Variants in GRIK2 observed in about 807,000 individuals in gnomAD.
GRIK2 encodes glutamate ionotropic receptor kainate type subunit 2, also known as glutamate receptor ionotropic, kainate 2.
A neutral mutation model predicts 100.3 loss-of-function variants in GRIK2; 32 were observed. The ratio of observed to expected loss-of-function variants is 0.32; its 90% CI spans 0.24 to 0.43. The LOEUF (loss-of-function observed/expected upper bound fraction) is 0.43, where lower values mean the gene tolerates loss of function less well. GRIK2 is among the 20% of genes least tolerant of loss of function. GRIK2 has a pLI of 1.00. For missense variants in GRIK2, 843 were observed against 1,114.9 expected (o/e 0.76, Z 3.47); for synonymous variants, 417 against 389.4 (o/e 1.07, Z -0.83).
chr6:101,489,866 A>T (rs1019024300), intron 2 of GRIK2, among the ~76,000 whole-genome samples: 1 of 146,854 alleles, frequency 6.8e-6, no homozygotes, highest in Admixed American at 6.8e-5. Flanking sequence ...TACTATATAG[A>T]TGTATATTTT....
intron 2 of GRIK2, among the ~76,000 whole-genome samples, chr6:101,599,636 G>A (rs1014429642): frequency 5.9e-5 from 9 of 151,692 alleles, no homozygotes; most frequent in African/African-American, 1.9e-4. Flanking sequence ...TTGTGGTTTT[G>A]ATTTGTATTT....
At chr6:101,789,252 T>C (rs1490919733) in intron 7 of GRIK2, among the ~76,000 whole-genome samples, 1 of 152,202 alleles carries the variant, frequency 6.6e-6, no homozygotes, top group Non-Finnish European at 1.5e-5. Flanking sequence ...TGCCATTGCT[T>C]TTGGTGTTTT....
At position 101,489,870 on chromosome 6, in the gene GRIK2, A is replaced by ATATTT. The variant is rs1259435637; in HGVS notation, c.115+90482_115+90486dup. On this transcript the variant is annotated intron_variant, in intron 2 of 16. Coordinates refer to ENST00000369134, the MANE Select transcript of GRIK2 (RefSeq NM_021956.5). ...TAAAATAAAGGTACTATATAGATGT[A>ATATTT]TATTTTATCAAGTTTGAAAATATGA... 1.8e-4 allele frequency among the ~76,000 whole-genome samples: 27 copies of ATATTT among 147,182 alleles called. No homozygotes were observed. In the East Asian group the frequency reaches 5.2e-3, roughly 29 times the overall value.
chr6:102,060,238 C>CTGA (rs1211826201), intron 16 of GRIK2, among the ~76,000 whole-genome samples: 1 of 150,588 alleles, frequency 6.6e-6, no homozygotes. Flanking sequence ...TTCTGGTGCA[C>CTGA]TGATAGTTCA....
At chr6:101,439,978 T>C (rs1337943459) in intron 2 of GRIK2, among the ~76,000 whole-genome samples, 1 of 152,170 alleles carries the variant, frequency 6.6e-6, no homozygotes, top group Non-Finnish European at 1.5e-5. Context: ...AAACTGCAAC[T>C]ATGGCAATAA....
intron 7 of GRIK2, among the ~76,000 whole-genome samples, chr6:101,747,901 G>T (rs1459840444): frequency 6.6e-6 from 1 of 152,114 alleles, no homozygotes; most frequent in Admixed American, 6.6e-5. Flanking sequence ...ACTTTGTTCT[G>T]TGGTTGGCAG....
rs1042073675 is a variant in GRIK2 at position 101,784,086 on chromosome 6, C to T, written c.952-15562C>T. 7.2e-5 allele frequency among the ~76,000 whole-genome samples: 11 copies of T among 152,282 alleles called. No individual in the cohort carries two copies. In the South Asian group the frequency reaches 1.2e-3, roughly 17 times the overall value. Reference sequence around the variant, plus strand: ...CAGCTGCAGAAATTTGCATAAGTAACGAGGAGCGGAATGTTACTAGCCAAG... The same window carrying T: ...CAGCTGCAGAAATTTGCATAAGTAATGAGGAGCGGAATGTTACTAGCCAAG... On this transcript the variant is annotated intron_variant, in intron 7 of 16. Coordinates refer to ENST00000369134, the MANE Select transcript of GRIK2 (RefSeq NM_021956.5).
chr6:101,435,496 A>G (rs1392704586), intron 2 of GRIK2, among the ~76,000 whole-genome samples: 1 of 150,886 alleles, frequency 6.6e-6, no homozygotes, highest in East Asian at 1.9e-4. Context: ...CCACTTTTCC[A>G]GTTTTTTCAT....
In GRIK2 at chr6:102,039,728, G is replaced by A. The variant is rs184643674; in HGVS notation, c.2311+4162G>A. On this transcript the variant is annotated intron_variant, in intron 15 of 16. Coordinates refer to ENST00000369134, the MANE Select transcript of GRIK2 (RefSeq NM_021956.5). ...GAGGACTAGGCAGACTCAGCAGTCCGTGAGCTGGTAGGAAAGCAGCAGTCT... is the reference window on the plus strand; with the variant it reads ...GAGGACTAGGCAGACTCAGCAGTCCATGAGCTGGTAGGAAAGCAGCAGTCT... Among the ~76,000 whole-genome samples the A allele has an allele frequency of 3.7e-4, 56 of 151,612 alleles. 1 individual carries two copies. The highest frequency in any genetic ancestry group is 2.8e-3 in the Admixed American group (43 of 15,162).
chr6:101,921,173 A>G (rs937056790), intron 12 of GRIK2, among the ~76,000 whole-genome samples: 6 of 152,082 alleles, frequency 3.9e-5, no homozygotes, highest in African/African-American at 1.4e-4. Context: ...TTCAAAGGAT[A>G]TTAAGCCTAA....
rs200167613 is a variant in GRIK2, at chr6:101,921,988, A to AT, written c.1749-2606dup. ...TTAAATATCAATTTACCAAACATTT[A>AT]TTTTTTTCTCTTTTGAATAAATTAT... On this transcript the variant is annotated intron_variant, in intron 12 of 16. Transcript: ENST00000369134. Among the ~76,000 whole-genome samples the AT allele has an allele frequency of 8.7e-3, 1,322 of 151,930 alleles. 20 individuals are homozygous for AT. The highest frequency in any genetic ancestry group is 0.03 in the African/African-American group (1,237 of 41,400).
At chr6:101,985,392 C>A (rs1474029076) in intron 14 of GRIK2, among the ~76,000 whole-genome samples, 2 of 151,710 alleles carry the variant, frequency 1.3e-5, no homozygotes. Context: ...CTCCTTTTAT[C>A]AATGTAGAGA....
At chr6:101,700,956 A>G (rs1772851204) in intron 7 of GRIK2, among the ~76,000 whole-genome samples, 1 of 152,148 alleles carries the variant, frequency 6.6e-6, no homozygotes. Flanking sequence ...TTAGGTGACT[A>G]GGAAGACTCT....
At chr6:101,759,500 G>A (rs943175553) in intron 7 of GRIK2, among the ~76,000 whole-genome samples, 3 of 152,080 alleles carry the variant, frequency 2.0e-5, no homozygotes, top group Non-Finnish European at 2.9e-5. Flanking sequence ...TACACCTAGT[G>A]GAGAAAGTAG....
At chr6:102,045,697 T>C (rs563124516) in intron 15 of GRIK2, among the ~76,000 whole-genome samples, 21 of 152,022 alleles carry the variant, frequency 1.4e-4, no homozygotes, top group African/African-American at 4.8e-4. Context: ...TAAAAAATGG[T>C]CCAAAGATCT....
chr6:101,643,091 A>G (rs565595611), intron 4 of GRIK2, among the ~76,000 whole-genome samples: 1 of 151,428 alleles, frequency 6.6e-6, no homozygotes, highest in South Asian at 2.1e-4. Flanking sequence ...TTGGTTGTTG[A>G]GTTTCAGTAA....
rs1402366821 is a variant in GRIK2, at chr6:101,544,417, G to A, written c.116-77532G>A. On this transcript the variant is annotated intron_variant, in intron 2 of 16. Coordinates refer to ENST00000369134, the MANE Select transcript of GRIK2 (RefSeq NM_021956.5). ...GAATTATATTTCCCTATCGAACTAG[G>A]CCTTCTGTGTACCCCGGGGGAATGA... Among the ~76,000 whole-genome samples the A allele has an allele frequency of 3.9e-5, 6 of 152,178 alleles. No homozygotes were observed. In the East Asian group the frequency reaches 9.7e-4, roughly 25 times the overall value.
intron 4 of GRIK2, among the ~76,000 whole-genome samples, chr6:101,630,847 C>CTTT (rs796264305): frequency 6.8e-6 from 1 of 147,484 alleles, no homozygotes; most frequent in Non-Finnish European, 1.5e-5. Flanking sequence ...CACACATGTG[C>CTTT]TTTTTTTTTT....
chr6:101,497,933 T>G (rs1582583151), intron 2 of GRIK2, among the ~76,000 whole-genome samples: 1 of 151,930 alleles, frequency 6.6e-6, no homozygotes, highest in South Asian at 2.1e-4. Context: ...TAGTTACATA[T>G]GTACACATGT....
Sources: gnomAD v4.1 joint callset for allele counts (sites outside exome capture counted in the v4.1 genomes callset) on GRCh38, gnomAD v4.1.1 for gene constraint, MANE v1.5 for transcripts, NCBI Gene and HGNC (gene_info 2026-07-23, HGNC 2026-07-21) for gene names.